PGS1: variants seen among roughly 807,000 people sequenced by gnomAD.
The protein encoded by PGS1 is phosphatidylglycerophosphate synthase 1, also known as CDP-diacylglycerol--glycerol-3-phosphate 3-phosphatidyltransferase, mitochondrial.
In PGS1, 44 loss-of-function variants were observed where a neutral mutation model predicts 58.3. That is an observed-to-expected ratio of 0.75 (90% CI 0.59 to 0.97). PGS1 has a LOEUF of 0.97. Ranked by LOEUF, PGS1 falls within the 50% of genes least tolerant of loss-of-function variation. PGS1 has a pLI of 0.00. For synonymous variants in PGS1, 330 were observed against 311.0 expected (o/e 1.06, Z -0.64); for missense variants, 684 against 731.1 (o/e 0.94, Z 0.74).
intron 1 of PGS1, among the ~76,000 whole-genome samples, chr17:78,381,730 G>A (rs978936027): frequency 6.6e-6 from 1 of 152,158 alleles, no homozygotes; most frequent in Non-Finnish European, 1.5e-5. Flanking sequence ...CCTCGTGAGG[G>A]GACGTTCCTT....
chr17:78,414,913 C>T lies in PGS1; in HGVS notation c.1437C>T (p.Pro479=). 6.2e-7 allele frequency: 1 copy of T among 1,614,144 alleles called. No individual in the cohort carries two copies. Among genetic ancestry groups the T allele is most frequent in the East Asian group, 2.2e-5 (1 of 44,874 alleles). ...TGTACCTGGCAGGGAGCAGCCTGCC[C>T]TGTCTCACGCTGATTGGCTCTCCTA... The part of the protein sequence containing the change: ...LWLYLAGSSL[P]CLTLIGSPNF... Residue 479 remains proline, a synonymous_variant, in exon 8 of 10, where the codon CCC becomes CCT. Transcript: ENST00000262764.
intron 8 of PGS1, 64 bp downstream of exon 8, chr17:78,415,091 C>G: frequency 6.3e-7 from 1 of 1,582,660 alleles, no homozygotes; most frequent in Non-Finnish European, 8.6e-7. Flanking sequence ...CAGGCTCACC[C>G]GTGCTGTGGG....
At position 78,403,835 on chromosome 17, in the gene PGS1, A is replaced by G. The variant is rs145352765; in HGVS notation, c.1148A>G (p.Tyr383Cys). Residue 383 changes from tyrosine (Y) to cysteine (C), a missense_variant, in exon 7 of 10, where the codon TAC becomes TGC. Tyr to Cys is a radical substitution (Grantham distance 194). Transcript: ENST00000262764. ...GAGGCGGAGCGCGGGGCAAAGGTCT[A>G]CCTCACCACTGGCTATTTCAACCTG... Reference protein sequence around the residue: ...LTEAERGAKVYLTTGYFNLTQ... With the variant: ...LTEAERGAKVCLTTGYFNLTQ... The G allele has an allele frequency of 2.3e-3, 3,649 of 1,614,218 alleles. 8 individuals carry two copies. The highest frequency in any genetic ancestry group is 2.7e-3 in the Admixed American group (162 of 60,022).
chr17:78,419,742 T>C (rs926028200), intron 9 of PGS1, 67 bp downstream of exon 9: 29 of 1,597,334 alleles, frequency 1.8e-5, no homozygotes, highest in Non-Finnish European at 2.3e-5. Flanking sequence ...CAGGTGGTTG[T>C]TCTGACTCAA....
chr17:78,406,300 A>G (rs1173605666), intron 7 of PGS1, among the ~76,000 whole-genome samples: 1 of 152,202 alleles, frequency 6.6e-6, no homozygotes, highest in Non-Finnish European at 1.5e-5. Context: ...CCTGGGCAAC[A>G]GAGCGAGACT....
chr17:78,383,351 C>T (rs1018571134), intron 1 of PGS1, among the ~76,000 whole-genome samples: 2 of 152,060 alleles, frequency 1.3e-5, no homozygotes, highest in South Asian at 4.1e-4. Context: ...CTCAGCCTCT[C>T]GAGTAGCTGG....
intron 1 of PGS1, among the ~76,000 whole-genome samples, chr17:78,385,829 CT>C (rs2082345825): frequency 6.6e-6 from 1 of 152,248 alleles, no homozygotes. Flanking sequence ...ACTGAGGCCT[CT>C]CATGGGGGCA....
At chr17:78,382,206 G>T (rs1447893543) in intron 1 of PGS1, among the ~76,000 whole-genome samples, 1 of 152,174 alleles carries the variant, frequency 6.6e-6, no homozygotes, top group Non-Finnish European at 1.5e-5. Context: ...CCATTTCCAG[G>T]AGCTGACTAG....
chr17:78,394,204 G>GA (rs2083052644), intron 2 of PGS1, among the ~76,000 whole-genome samples: 1 of 139,550 alleles, frequency 7.2e-6, no homozygotes, highest in Admixed American at 7.2e-5. Flanking sequence ...AAAAAAGAAT[G>GA]AAGGTCTGAT....
rs577550393 is a variant in PGS1 at position 78,419,887 on chromosome 17, C to A, written c.*10+212C>A. The A allele has an allele frequency of 4.0e-5, 52 of 1,292,702 alleles. No individual in the cohort carries two copies. In the East Asian group the frequency reaches 9.5e-4, roughly 23 times the overall value. 80.1% of individuals were successfully genotyped at this position (1,292,702 alleles called of 1,614,324 possible). ...AGTCTGTTCACTTTCCATCTGGTAC[C>A]CACTCCACTAAGTCCCAAGGCGCCT... On this transcript the variant is annotated intron_variant, in intron 9 of 9. Coordinates refer to ENST00000262764, the MANE Select transcript of PGS1 (RefSeq NM_024419.5).
Position 78,423,105 on chromosome 17 carries a change from G to GGA in PGS1, c.*11-956_*11-955insGA, listed in dbSNP as rs1555645856. ...AAGAGTGAAACTCTCACTCTCCCTC[G>GGA]AAAAAAAAAAAAAATGTTGATCCTG... is the stretch of plus-strand genomic sequence containing the variant. On this transcript the variant is annotated intron_variant, in intron 9 of 9. Transcript: ENST00000262764. Among the ~76,000 whole-genome samples, 37 of 137,542 alleles carry GGA rather than the reference G, an allele frequency of 2.7e-4. No homozygotes were observed. The East Asian group carries it at 5.2e-3, about 19-fold the overall frequency. 90.2% of individuals were successfully genotyped at this position (137,542 alleles called of 152,430 possible).
intron 4 of PGS1, 74 bp downstream of exon 4, chr17:78,398,425 C>A: frequency 1.0e-6 from 1 of 977,398 alleles, no homozygotes; most frequent in Non-Finnish European, 1.6e-6. Flanking sequence ...TTACTGTCAC[C>A]CCCTCATCCC....
At chr17:78,395,883 C>T (rs1442749426) in intron 2 of PGS1, among the ~76,000 whole-genome samples, 2 of 152,170 alleles carry the variant, frequency 1.3e-5, no homozygotes, top group Non-Finnish European at 2.9e-5. Flanking sequence ...GGATTACAGG[C>T]ACGCGCCACC....
At chr17:78,388,614 G>A (rs2082580178) in intron 1 of PGS1, among the ~76,000 whole-genome samples, 1 of 151,940 alleles carries the variant, frequency 6.6e-6, no homozygotes, top group Non-Finnish European at 1.5e-5. Context: ...CAGAGTGCTG[G>A]GATTACAAGT....
At chr17:78,385,697 C>T (rs530937499) in intron 1 of PGS1, among the ~76,000 whole-genome samples, 1 of 152,252 alleles carries the variant, frequency 6.6e-6, no homozygotes, top group Non-Finnish European at 1.5e-5. Flanking sequence ...GCTGGGATTA[C>T]AGCCGTGAGC....
chr17:78,402,929 T>G (rs550760237), intron 6 of PGS1, among the ~76,000 whole-genome samples: 40 of 152,250 alleles, frequency 2.6e-4, no homozygotes, highest in African/African-American at 9.6e-4. Context: ...CAGTGTCTTG[T>G]CCGAATACAA....
At chr17:78,382,593 G>T (rs1436110086) in intron 1 of PGS1, 1 of 150,014 alleles carries the variant, frequency 6.7e-6, no homozygotes, top group African/African-American at 2.5e-5. Flanking sequence ...GGAGACAGAT[G>T]CTTCAGATAG....
intron 1 of PGS1, among the ~76,000 whole-genome samples, chr17:78,390,823 A>T (rs1425763786): frequency 6.6e-6 from 1 of 152,042 alleles, no homozygotes; most frequent in Non-Finnish European, 1.5e-5. Flanking sequence ...GCCTCAGTGG[A>T]GTGTGGAGTC....
At chr17:78,399,215 G>A in intron 4 of PGS1, 133 bp from the exon 5 acceptor site, 1 of 682,420 alleles carries the variant, frequency 1.5e-6, no homozygotes, top group Non-Finnish European at 2.5e-6. Context: ...CTGGCTAGGA[G>A]TAGCCCCAGC....
Sources: gnomAD v4.1 joint callset for allele counts (sites outside exome capture counted in the v4.1 genomes callset) on GRCh38, gnomAD v4.1.1 for gene constraint, MANE v1.5 for transcripts, NCBI Gene and HGNC (gene_info 2026-07-23, HGNC 2026-07-21) for gene names.